Variants in BRD4 observed in about 807,000 individuals in gnomAD.
BRD4 encodes bromodomain containing 4, also known as bromodomain-containing protein 4.
In BRD4, 16 loss-of-function variants were observed where a neutral mutation model predicts 142.1. The ratio of observed to expected loss-of-function variants is 0.11; its 90% CI spans 0.08 to 0.17. The LOEUF (loss-of-function observed/expected upper bound fraction) is 0.17. Ranked by LOEUF, BRD4 falls within the 10% of genes least tolerant of loss-of-function variation. The pLI is 1.00. For synonymous variants in BRD4, 833 were observed against 707.5 expected (o/e 1.18, Z -2.82); for missense variants, 1,424 against 1,810.9 (o/e 0.79, Z 3.88).
chr19:15,300,680 TC>T (rs1224946753), intron 1 of BRD4, among the ~76,000 whole-genome samples: 1 of 149,044 alleles, frequency 6.7e-6, no homozygotes, highest in Non-Finnish European at 1.5e-5. Flanking sequence ...GGGAAGATGC[TC>T]CCCGTCACTA....
intron 1 of BRD4, among the ~76,000 whole-genome samples, chr19:15,326,048 A>G (rs1309196726): frequency 3.3e-5 from 5 of 149,798 alleles, no homozygotes; most frequent in Admixed American, 3.3e-4. Flanking sequence ...CTTGGAAATC[A>G]TGTCCAAATG....
rs75866493 is a variant in BRD4, at chr19:15,299,451, T to C, written c.-34-26318A>G. Among the ~76,000 whole-genome samples, 20 of 152,270 alleles carry C rather than the reference T, an allele frequency of 1.3e-4. No homozygotes were observed. The East Asian group carries it at 3.5e-3, about 26-fold the overall frequency. ...CTATGCTATGCCCACAGCAAAGTAA[T>C]CAACTCAAGAGTCCCTTGGTGGTGG... On this transcript the variant is annotated intron_variant, in intron 1 of 19. Coordinates refer to ENST00000679869, the MANE Select transcript of BRD4 (RefSeq NM_001379291.1).
chr19:15,310,808 T>TAG (rs987759166), intron 1 of BRD4, among the ~76,000 whole-genome samples: 14 of 151,798 alleles, frequency 9.2e-5, no homozygotes, highest in Non-Finnish European at 1.6e-4. Context: ...AACAGTCCTT[T>TAG]AGGCAGTCCT....
chr19:15,284,157 G>A lies in BRD4; in HGVS notation c.-34-11024C>T, dbSNP rs562253868. On this transcript the variant is annotated intron_variant, in intron 1 of 19. Transcript: ENST00000679869. ...TTTAAGAGAAAGATCTGGAAAAAACGTTACACCTGTCAGTATCTAGACACG... is the reference window on the plus strand; with the variant it reads ...TTTAAGAGAAAGATCTGGAAAAAACATTACACCTGTCAGTATCTAGACACG... Among the ~76,000 whole-genome samples the A allele has an allele frequency of 1.2e-4, 19 of 152,230 alleles. No homozygotes were observed. In the South Asian group the frequency reaches 3.1e-3, roughly 25 times the overall value.
intron 1 of BRD4, among the ~76,000 whole-genome samples, chr19:15,308,068 T>G (rs1319976149): frequency 3.2e-5 from 4 of 125,588 alleles, no homozygotes; most frequent in African/African-American, 9.3e-5. Context: ...GCCAAGACTG[T>G]GCCACTGCAC....
chr19:15,296,735 A>G (rs985597589), intron 1 of BRD4, among the ~76,000 whole-genome samples: 1 of 152,244 alleles, frequency 6.6e-6, no homozygotes, highest in Non-Finnish European at 1.5e-5. Context: ...GCAGAGCTTT[A>G]AGTTGGAAAA....
intron 2 of BRD4, 136 bp from the exon 3 acceptor site, chr19:15,269,178 G>C (rs1442356508): frequency 1.3e-5 from 12 of 916,346 alleles, no homozygotes; most frequent in African/African-American, 6.7e-5. Flanking sequence ...GCTCCTACTG[G>C]CATCAGCAAG....
At chr19:15,244,645 G>A (rs750388811) in intron 12 of BRD4, 45 bp from the exon 13 acceptor site, 2 of 1,613,986 alleles carry the variant, frequency 1.2e-6, no homozygotes, top group Non-Finnish European at 1.7e-6. Context: ...ATGTCAGGCA[G>A]GCAGAACTGG....
Position 15,238,774 on chromosome 19 carries a change from T to C in BRD4, c.3989A>G (p.Lys1330Arg). Residue 1330 changes from lysine (K) to arginine (R), a missense_variant, in exon 19 of 20, where the codon AAG becomes AGG. Transcript: ENST00000679869. This position sits in a 1 kb window ranked among gnomAD's most constrained non-coding sequence, Gnocchi z 7.2. The stretch of plus-strand genomic sequence containing the variant: ...CCGGCGTCTTCGCTCCTGCTCCCGC[T>C]TCCGGGCCAACTCCCTCTGCTGGTC... Reference protein sequence around the residue: ...MLDQQRELARKREQERRRREA... With the variant: ...MLDQQRELARRREQERRRREA... The C allele has an allele frequency of 6.3e-7, 1 of 1,576,026 alleles. No individual in the cohort carries two copies.
chr19:15,324,542 T>TA (rs1199571860), intron 1 of BRD4, among the ~76,000 whole-genome samples: 4 of 152,172 alleles, frequency 2.6e-5, no homozygotes, highest in Non-Finnish European at 5.9e-5. Flanking sequence ...AGGGAGACCT[T>TA]ACACCTTCCT....
rs1477413056 is a variant in BRD4, at chr19:15,269,596, T to C, written c.286-554A>G. 4.8e-4 allele frequency among the ~76,000 whole-genome samples: 73 copies of C among 152,174 alleles called. 1 individual carries two copies. Among genetic ancestry groups the C allele is most frequent in the Admixed American group, 4.8e-3 (73 of 15,282 alleles). On this transcript the variant is annotated intron_variant, in intron 2 of 19. Coordinates refer to ENST00000679869, the MANE Select transcript of BRD4 (RefSeq NM_001379291.1). ...CACCCCTAGTCAAATTCACTGGACT[T>C]AACGTTTCTTTCATTTGCACACAGT... is the stretch of plus-strand genomic sequence containing the variant.
chr19:15,318,338 AAG>A (rs1416541676), intron 1 of BRD4, among the ~76,000 whole-genome samples: 2 of 152,178 alleles, frequency 1.3e-5, no homozygotes, highest in African/African-American at 4.8e-5. Context: ...TAGAAGTAAT[AAG>A]AGTTCTTTTC....
chr19:15,300,192 A>G (rs952230606), intron 1 of BRD4, among the ~76,000 whole-genome samples: 4 of 151,984 alleles, frequency 2.6e-5, no homozygotes, highest in Admixed American at 2.6e-4. Flanking sequence ...CTGCAGTGAG[A>G]CGTCACAGCC....
chr19:15,321,939 C>T (rs1005843778), intron 1 of BRD4, among the ~76,000 whole-genome samples: 2 of 152,112 alleles, frequency 1.3e-5, no homozygotes, highest in African/African-American at 2.4e-5. Flanking sequence ...AAGATCCATG[C>T]TTTCACCTGC....
At position 15,310,361 on chromosome 19, in the gene BRD4, C is replaced by A. The variant is rs12985910; in HGVS notation, c.-35+21929G>T. On this transcript the variant is annotated intron_variant, in intron 1 of 19. Coordinates refer to ENST00000679869, the MANE Select transcript of BRD4 (RefSeq NM_001379291.1). ...CATGTCCGGCTGATTTTTGGATTCC[C>A]CCCCCCCCCCCCCCCCCCCGAAGGA... is the stretch of plus-strand genomic sequence containing the variant. 2.2e-3 allele frequency among the ~76,000 whole-genome samples: 11 copies of A among 5,102 alleles called. No individual in the cohort carries two copies. In the East Asian group the frequency reaches 0.052, roughly 24 times the overall value. 3.3% of individuals were successfully genotyped at this position (5,102 alleles called of 152,430 possible). A position where few individuals can be genotyped will look rare whatever the true frequency, so the allele number is the denominator to read the frequency against.
intron 1 of BRD4, among the ~76,000 whole-genome samples, chr19:15,283,230 G>C (rs376026751): frequency 4.7e-4 from 71 of 152,104 alleles, no homozygotes; most frequent in Admixed American, 9.2e-4. Flanking sequence ...ACTTCTTAGA[G>C]GGCACGAAGA....
intron 1 of BRD4, among the ~76,000 whole-genome samples, chr19:15,288,473 C>T (rs1440575119): frequency 6.6e-6 from 1 of 152,102 alleles, no homozygotes; most frequent in African/African-American, 2.4e-5. Context: ...GGACAATCAC[C>T]CATCAAAAAT....
chr19:15,325,098 C>A (rs887099142), intron 1 of BRD4, among the ~76,000 whole-genome samples: 1 of 152,148 alleles, frequency 6.6e-6, no homozygotes, highest in Non-Finnish European at 1.5e-5. Flanking sequence ...TGGGCAAGGA[C>A]GGCAGTAGCT....
chr19:15,304,265 T>C (rs1472876726), intron 1 of BRD4, among the ~76,000 whole-genome samples: 1 of 152,158 alleles, frequency 6.6e-6, no homozygotes, highest in Admixed American at 6.5e-5. Context: ...ACACAGTGTG[T>C]GCTGGCAATA....
Sources: gnomAD v4.1 joint callset for allele counts (sites outside exome capture counted in the v4.1 genomes callset) on GRCh38, gnomAD v4.1.1 for gene constraint, Gnocchi (gnomAD v3.1) non-coding constraint, MANE v1.5 for transcripts, NCBI Gene and HGNC (gene_info 2026-07-23, HGNC 2026-07-21) for gene names.